Variants in FCHSD2 observed in about 807,000 individuals in gnomAD.
FCHSD2 encodes F-BAR and double SH3 domains protein 2.
A neutral mutation model predicts 108.1 loss-of-function variants in FCHSD2; 38 were observed. The ratio of observed to expected loss-of-function variants is 0.35; its 90% CI spans 0.27 to 0.46. The LOEUF is 0.46. Among genes scored for constraint, FCHSD2 ranks in the 20% least tolerant of loss-of-function variants. FCHSD2 has a pLI of 1.00. For synonymous variants in FCHSD2, 279 were observed against 314.7 expected (o/e 0.89, Z 1.20); for missense variants, 751 against 897.8 (o/e 0.84, Z 2.09).
rs533170314 is a variant in FCHSD2, at chr11:72,849,235, G to A, written c.1443+520C>T. Among the ~76,000 whole-genome samples, 17 of 152,300 alleles carry A rather than the reference G, an allele frequency of 1.1e-4. No homozygotes were observed. In the East Asian group the frequency reaches 2.9e-3, roughly 26 times the overall value. On this transcript the variant is annotated intron_variant, in intron 14 of 19. Coordinates refer to ENST00000409418, the MANE Select transcript of FCHSD2 (RefSeq NM_014824.3). ...ACGCCTCCCTTCCAACATTCATGTA[G>A]TCATCCCACAATTATCTACTGATGA...
intron 8 of FCHSD2, among the ~76,000 whole-genome samples, chr11:72,952,287 C>T (rs2135358829): frequency 6.6e-6 from 1 of 151,806 alleles, no homozygotes; most frequent in South Asian, 2.1e-4. Flanking sequence ...AAAACAATTC[C>T]ATACACTTTT....
At chr11:73,122,863 A>G (rs971564952) in intron 2 of FCHSD2, among the ~76,000 whole-genome samples, 1 of 152,232 alleles carries the variant, frequency 6.6e-6, no homozygotes, top group Non-Finnish European at 1.5e-5. Flanking sequence ...TTTACAAAGA[A>G]TCTACAAGAT....
chr11:72,936,178 G>T (rs903083973), intron 8 of FCHSD2, among the ~76,000 whole-genome samples: 4 of 152,162 alleles, frequency 2.6e-5, no homozygotes. Flanking sequence ...GTAAATGGTG[G>T]TTATTAAAAT....
chr11:72,850,767 T>C (rs1464464065), intron 13 of FCHSD2, among the ~76,000 whole-genome samples: 1 of 152,054 alleles, frequency 6.6e-6, no homozygotes, highest in Non-Finnish European at 1.5e-5. Context: ...GGCCTCTAAA[T>C]TTTAACTGAT....
intron 3 of FCHSD2, among the ~76,000 whole-genome samples, chr11:73,076,457 T>C (rs909558520): frequency 2.6e-5 from 4 of 152,156 alleles, no homozygotes; most frequent in Admixed American, 1.3e-4. Flanking sequence ...AGACATACCA[T>C]ATGATTACAT....
chr11:72,846,461 T>C (rs1232600130), intron 14 of FCHSD2, among the ~76,000 whole-genome samples: 1 of 152,204 alleles, frequency 6.6e-6, no homozygotes, highest in Admixed American at 6.5e-5. Flanking sequence ...ATTACAGGCG[T>C]GAGCTACCGT....
intron 6 of FCHSD2, among the ~76,000 whole-genome samples, chr11:72,988,431 T>A (rs1857350397): frequency 6.6e-6 from 1 of 152,232 alleles, no homozygotes; most frequent in Non-Finnish European, 1.5e-5. Context: ...TTCATACAAT[T>A]GCTAAAGCAT....
intron 8 of FCHSD2, among the ~76,000 whole-genome samples, chr11:72,966,547 G>T (rs1856910616): frequency 6.6e-6 from 1 of 152,154 alleles, no homozygotes; most frequent in Admixed American, 6.5e-5. Context: ...TAGCTTCACT[G>T]CAAGCTCCCT....
chr11:73,011,654 A>C (rs1320422437), intron 4 of FCHSD2, among the ~76,000 whole-genome samples: 3 of 152,036 alleles, frequency 2.0e-5, no homozygotes, highest in Non-Finnish European at 4.4e-5. Flanking sequence ...GCCATCACAC[A>C]ATCTCCTGGC....
intron 9 of FCHSD2, among the ~76,000 whole-genome samples, chr11:72,921,285 C>T (rs1238843081): frequency 6.6e-6 from 1 of 152,016 alleles, no homozygotes; most frequent in Non-Finnish European, 1.5e-5. Context: ...AAAGTCATTG[C>T]ATTTATTTTC....
At chr11:72,998,477 G>T (rs1031633538) in intron 5 of FCHSD2, among the ~76,000 whole-genome samples, 4 of 152,108 alleles carry the variant, frequency 2.6e-5, no homozygotes, top group African/African-American at 9.7e-5. Flanking sequence ...AAGAGGCAGA[G>T]GTTGCTGTGA....
At chr11:73,122,433 C>T (rs1233758740) in intron 2 of FCHSD2, among the ~76,000 whole-genome samples, 1 of 152,182 alleles carries the variant, frequency 6.6e-6, no homozygotes, top group Non-Finnish European at 1.5e-5. Flanking sequence ...CCCTCAGTGG[C>T]AGACTGCACT....
At chr11:73,033,996 A>C (rs1236979339) in intron 3 of FCHSD2, among the ~76,000 whole-genome samples, 1 of 152,106 alleles carries the variant, frequency 6.6e-6, no homozygotes, top group African/African-American at 2.4e-5. Context: ...TGAAAATATA[A>C]TAGACAATTT....
At chr11:73,076,688 T>G (rs909515014) in intron 3 of FCHSD2, among the ~76,000 whole-genome samples, 1 of 152,240 alleles carries the variant, frequency 6.6e-6, no homozygotes, top group East Asian at 1.9e-4. Flanking sequence ...ATTAATGGTA[T>G]GTAAATTAAA....
intron 8 of FCHSD2, among the ~76,000 whole-genome samples, chr11:72,938,464 C>T (rs1467612122): frequency 3.9e-5 from 6 of 152,042 alleles, no homozygotes; most frequent in Non-Finnish European, 5.9e-5. Flanking sequence ...AAGCAGTAGC[C>T]GGTTTGGGGA....
At chr11:72,888,352 C>T (rs1855241941) in intron 11 of FCHSD2, among the ~76,000 whole-genome samples, 1 of 152,070 alleles carries the variant, frequency 6.6e-6, no homozygotes, top group Non-Finnish European at 1.5e-5. Context: ...TGGAAGCTAG[C>T]AACACAGACA....
chr11:72,847,519 A>T (rs1043608958), intron 14 of FCHSD2, among the ~76,000 whole-genome samples: 4 of 152,208 alleles, frequency 2.6e-5, no homozygotes, highest in African/African-American at 4.8e-5. Flanking sequence ...TCAAAGAAAT[A>T]TGAAAACTAA....
chr11:72,860,307 C>A (rs1861536592), intron 13 of FCHSD2, among the ~76,000 whole-genome samples: 1 of 152,122 alleles, frequency 6.6e-6, no homozygotes, highest in African/African-American at 2.4e-5. Flanking sequence ...TAGAACATAA[C>A]CCCTAACAAT....
Position 73,020,699 on chromosome 11 carries a change from C to T in FCHSD2, c.166-4814G>A, listed in dbSNP as rs564565518. Reference sequence around the variant, plus strand: ...AAAAACAGTATATTATTTTAAATTACATAATAAATTGTCTTTATTTACTTT... The same window carrying T: ...AAAAACAGTATATTATTTTAAATTATATAATAAATTGTCTTTATTTACTTT... On this transcript the variant is annotated intron_variant, in intron 3 of 19. Transcript: ENST00000409418. Among the ~76,000 whole-genome samples, 215 of 151,872 alleles carry T rather than the reference C, an allele frequency of 1.4e-3. 1 individual carries two copies. The Middle Eastern group carries it at 0.024, about 17-fold the overall frequency.
Sources: allele counts gnomAD v4.1 joint callset (sites outside exome capture counted in the v4.1 genomes callset), GRCh38; gene constraint gnomAD v4.1.1; transcripts MANE v1.5; gene names NCBI Gene and HGNC (gene_info 2026-07-23, HGNC 2026-07-21).